The following ZNF333 variants were observed in gnomAD, a reference collection of about 807,000 sequenced individuals.
The protein encoded by ZNF333 is zinc finger protein 333.
A neutral mutation model predicts 76.1 loss-of-function variants in ZNF333; 61 were observed. That is an observed-to-expected ratio of 0.80 (90% CI 0.65 to 0.99). The LOEUF (loss-of-function observed/expected upper bound fraction) is 0.99, where lower values mean the gene tolerates loss of function less well. Ranked by LOEUF, ZNF333 falls within the 50% of genes least tolerant of loss-of-function variation. The probability of loss-of-function intolerance (pLI) is 0.00; values close to 1 mark genes in which losing one functional copy is unlikely to be tolerated. For missense variants in ZNF333, 717 were observed against 822.4 expected (o/e 0.87, Z 1.57); for synonymous variants, 284 against 305.0 (o/e 0.93, Z 0.72).
intron 7 of ZNF333, among the ~76,000 whole-genome samples, chr19:14,710,932 G>A (rs1462187999): frequency 6.6e-6 from 1 of 151,986 alleles, no homozygotes; most frequent in Non-Finnish European, 1.5e-5. Flanking sequence ...GCCAGTGTGC[G>A]GAGATCACAT....
chr19:14,721,494 T>A lies in ZNF333; in HGVS notation c.*2169T>A, dbSNP rs2042586224. ...TATTCTGATGTCTATCACCATAGAT[T>A]TGTTTTTCCTGTTCATGTAAATGGA... On this transcript the variant is annotated 3_prime_UTR_variant, in exon 12 of 12. Transcript: ENST00000292530. 6.6e-6 allele frequency: 1 copy of A among 152,276 alleles called. No homozygotes were observed. Among genetic ancestry groups the A allele is most frequent in the South Asian group, 2.1e-4 (1 of 4,822 alleles). 9.4% of individuals were successfully genotyped at this position (152,276 alleles called of 1,614,324 possible).
chr19:14,690,517 C>G (rs1306961160), intron 1 of ZNF333, among the ~76,000 whole-genome samples: 1 of 152,214 alleles, frequency 6.6e-6, no homozygotes, highest in Non-Finnish European at 1.5e-5. Context: ...TGCAAGATAA[C>G]TGCGAATTAG....
intron 1 of ZNF333, among the ~76,000 whole-genome samples, chr19:14,692,992 A>G (rs780636737): frequency 3.3e-5 from 5 of 151,320 alleles, no homozygotes; most frequent in Non-Finnish European, 7.4e-5. Context: ...ATGCCCAGCT[A>G]ATTTTTGTAT....
chr19:14,701,698 A>G (rs1263566650), intron 5 of ZNF333: 1 of 985,346 alleles, frequency 1.0e-6, no homozygotes, highest in African/African-American at 1.7e-5. Context: ...TGCCCTCCAC[A>G]GAACTCCACA....
chr19:14,713,025 A>T (rs1391447455), intron 7 of ZNF333, among the ~76,000 whole-genome samples: 1 of 152,090 alleles, frequency 6.6e-6, no homozygotes, highest in Non-Finnish European at 1.5e-5. Context: ...GCAAAATCTC[A>T]TCTAAGCACC....
At chr19:14,707,168 G>T in intron 7 of ZNF333, 1 of 162,718 alleles carries the variant, frequency 6.1e-6, no homozygotes, top group South Asian at 1.7e-4. Context: ...GCTTTGCAAG[G>T]CCTAGGCGGG....
chr19:14,704,403 G>A (rs2042050567), intron 5 of ZNF333, among the ~76,000 whole-genome samples: 2 of 152,082 alleles, frequency 1.3e-5, no homozygotes, highest in African/African-American at 4.8e-5. Context: ...TCATGCTTCA[G>A]CCTCCTAAAC....
chr19:14,712,615 CG>C (rs370741823), intron 7 of ZNF333, among the ~76,000 whole-genome samples: 1 of 151,928 alleles, frequency 6.6e-6, no homozygotes, highest in Admixed American at 6.6e-5. Flanking sequence ...TCTGATGGCT[CG>C]GGGGGGAGGA....
chr19:14,702,711 G>A (rs972092098), intron 5 of ZNF333, among the ~76,000 whole-genome samples: 1 of 152,178 alleles, frequency 6.6e-6, no homozygotes, highest in African/African-American at 2.4e-5. Flanking sequence ...CCATGTCTTA[G>A]TCTGTTCTCA....
intron 6 of ZNF333, among the ~76,000 whole-genome samples, chr19:14,705,676 C>G (rs1026813511): frequency 5.3e-5 from 8 of 152,218 alleles, no homozygotes; most frequent in African/African-American, 1.9e-4. Context: ...TTGTTAGGAA[C>G]CAGGCTGCAG....
At chr19:14,717,251 T>C in intron 10 of ZNF333, 162 bp downstream of exon 10, 1 of 592,560 alleles carries the variant, frequency 1.7e-6, no homozygotes, top group Non-Finnish European at 2.9e-6. Flanking sequence ...TTCCCTTTCC[T>C]TTTTAATCTC....
At position 14,715,461 on chromosome 19, in the gene ZNF333, C is replaced by T. The variant is rs1213333441; in HGVS notation, c.591C>T (p.Ala197=). The T allele has an allele frequency of 1.2e-6, 2 of 1,613,908 alleles. No individual in the cohort carries two copies. Among genetic ancestry groups the T allele is most frequent in the Non-Finnish European group, 1.7e-6 (2 of 1,179,840 alleles). The change falls in exon 8 of 12, where the codon GCC becomes GCT. Residue 197 remains alanine (A), a synonymous_variant. Transcript: ENST00000292530. ...CTATGGCTCCTGGGCTGCCAACCGC[C>T]TGTTCACAGGTAGGTAAGAACTTCT... ...EEAMAPGLPT[A]CSQEPVTFAD...
intron 5 of ZNF333, among the ~76,000 whole-genome samples, chr19:14,701,035 C>T (rs1201579898): frequency 6.6e-6 from 1 of 152,162 alleles, no homozygotes; most frequent in Admixed American, 6.5e-5. Context: ...AGCTGACAGC[C>T]CTCCTCACTC....
intron 11 of ZNF333, among the ~76,000 whole-genome samples, chr19:14,730,419 C>T (rs2042659853): frequency 1.3e-5 from 2 of 151,640 alleles, no homozygotes; most frequent in South Asian, 4.2e-4. Context: ...ATCCCACCAT[C>T]AGTCTGTCCT....
chr19:14,730,958 C>T (rs1403920139), intron 11 of ZNF333, among the ~76,000 whole-genome samples: 1 of 151,940 alleles, frequency 6.6e-6, no homozygotes, highest in African/African-American at 2.4e-5. Context: ...CAGCTGCATT[C>T]ATGTGGCTGC....
chr19:14,703,542 T>C (rs1297106316), intron 5 of ZNF333, among the ~76,000 whole-genome samples: 1 of 152,164 alleles, frequency 6.6e-6, no homozygotes, highest in Non-Finnish European at 1.5e-5. Context: ...CCAATGTCAT[T>C]GGAAAATTTT....
chr19:14,726,064 C>T (rs1431791936), downstream of ZNF333, among the ~76,000 whole-genome samples: 1 of 152,190 alleles, frequency 6.6e-6, no homozygotes, highest in Non-Finnish European at 1.5e-5. Context: ...TAGGTGGAAG[C>T]CACTAAGCCT....
rs2147024890 is a variant in ZNF333 at position 14,718,793 on chromosome 19, A to G, written c.1466A>G (p.Glu489Gly). Residue 489 changes from glutamate to glycine, a missense_variant, in exon 12 of 12, where the codon GAA (glutamate) becomes GGA (glycine). Transcript: ENST00000292530. Reference protein sequence around the residue: ...ECSQCGKAFREHSSLKTHLRT... With the variant: ...ECSQCGKAFRGHSSLKTHLRT... ...AGCCAGTGTGGGAAAGCCTTCAGGGAACACTCTTCACTGAAGACACATCTG... is the reference window on the plus strand; with the variant it reads ...AGCCAGTGTGGGAAAGCCTTCAGGGGACACTCTTCACTGAAGACACATCTG... 1.2e-6 allele frequency: 2 copies of G among 1,614,080 alleles called. No homozygotes were observed. The highest frequency in any genetic ancestry group is 4.5e-5 in the East Asian group (2 of 44,888).
chr19:14,699,914 C>T lies in ZNF333; in HGVS notation c.306+633C>T, dbSNP rs1973556925. On this transcript the variant is annotated intron_variant, in intron 5 of 11. Coordinates refer to ENST00000292530, the MANE Select transcript of ZNF333 (RefSeq NM_032433.4). ...ACGAACTCCAGCTGTCTAAACAAGG[C>T]ATGGCTTGAAAATGCTGAGAATATG... is the stretch of plus-strand genomic sequence containing the variant. Among the ~76,000 whole-genome samples the T allele has an allele frequency of 2.0e-5, 3 of 152,278 alleles. 1 individual carries two copies. The South Asian group carries it at 6.2e-4, about 32-fold the overall frequency.
Sources: gnomAD v4.1 joint callset for allele counts (sites outside exome capture counted in the v4.1 genomes callset) on GRCh38, gnomAD v4.1.1 for gene constraint, MANE v1.5 for transcripts, NCBI Gene and HGNC (gene_info 2026-07-23, HGNC 2026-07-21) for gene names.